The following FMN1 variants were observed in gnomAD, a reference collection of about 807,000 sequenced individuals.
FMN1 encodes formin-1.
In FMN1, 110 loss-of-function variants were observed where a neutral mutation model predicts 132.4. The ratio of observed to expected loss-of-function variants is 0.83; its 90% CI spans 0.71 to 0.97. The LOEUF (loss-of-function observed/expected upper bound fraction) is 0.97, where lower values mean the gene tolerates loss of function less well. Among genes scored for constraint, FMN1 ranks in the 50% least tolerant of loss-of-function variants. FMN1 has a pLI of 0.00. For synonymous variants in FMN1, 722 were observed against 651.7 expected (o/e 1.11, Z -1.64); for missense variants, 1,792 against 1,705.3 (o/e 1.05, Z -0.90).
chr15:33,067,465 G>C (rs2037794726), intron 5 of FMN1: 3 of 1,613,810 alleles, frequency 1.9e-6, no homozygotes, highest in South Asian at 2.2e-5. Flanking sequence ...TGTGCACCAG[G>C]GTCCCACGAA....
Position 33,083,826 on chromosome 15 carries a change from C to T in FMN1, c.2043+4973G>A, listed in dbSNP as rs1471659306. ...ACAGGTCACAAAGACCCTGCTGATA[C>T]AGGATGTCATAAAGAAGCCAGCCAA... On this transcript the variant is annotated intron_variant, in intron 5 of 20. Coordinates refer to ENST00000616417, the MANE Select transcript of FMN1 (RefSeq NM_001277313.2). Among the ~76,000 whole-genome samples the T allele has an allele frequency of 2.6e-5, 4 of 152,108 alleles. No individual in the cohort carries two copies. The South Asian group carries it at 8.3e-4, about 32-fold the overall frequency.
At chr15:33,095,857 G>A (rs2039065121) in intron 4 of FMN1, among the ~76,000 whole-genome samples, 2 of 152,062 alleles carry the variant, frequency 1.3e-5, no homozygotes, top group Non-Finnish European at 2.9e-5. Flanking sequence ...AATAGCTAAG[G>A]AAGTAAAGTA....
intron 3 of FMN1, among the ~76,000 whole-genome samples, chr15:33,166,804 C>G (rs1965126816): frequency 6.6e-6 from 1 of 152,116 alleles, no homozygotes; most frequent in South Asian, 2.1e-4. Context: ...ATACCAGTGA[C>G]CATATATATA....
chr15:33,097,580 G>C (rs1052322555), intron 4 of FMN1, among the ~76,000 whole-genome samples: 5 of 152,154 alleles, frequency 3.3e-5, no homozygotes, highest in African/African-American at 1.2e-4. Flanking sequence ...CAGCCCAAAA[G>C]ACAGTGGAAA....
At chr15:33,112,278 G>T (rs936518500) in intron 4 of FMN1, among the ~76,000 whole-genome samples, 1 of 118,362 alleles carries the variant, frequency 8.4e-6, no homozygotes, top group African/African-American at 3.3e-5. Context: ...ATAATGTTAG[G>T]TGGCAGTGCA....
chr15:32,960,898 A>G (rs1466880517), intron 9 of FMN1, among the ~76,000 whole-genome samples: 2 of 149,958 alleles, frequency 1.3e-5, no homozygotes, highest in African/African-American at 4.9e-5. Context: ...GGGAGGCTGA[A>G]GCAGGAGAAT....
At chr15:33,013,215 C>G (rs1341474611) in intron 6 of FMN1, 2 of 305,274 alleles carry the variant, frequency 6.6e-6, no homozygotes, top group Non-Finnish European at 1.2e-5. Flanking sequence ...TTATACAATA[C>G]TCCCGTGTAT....
At chr15:32,893,493 G>C (rs1029209830) in intron 15 of FMN1, among the ~76,000 whole-genome samples, 1 of 152,240 alleles carries the variant, frequency 6.6e-6, no homozygotes, top group East Asian at 1.9e-4. Context: ...CTCTACATGG[G>C]TTTCTTTAAA....
chr15:32,933,483 T>C (rs2061175368), intron 9 of FMN1, among the ~76,000 whole-genome samples: 1 of 152,208 alleles, frequency 6.6e-6, no homozygotes. Flanking sequence ...TTCCATTATG[T>C]CCATTTGGTA....
At chr15:32,791,271 A>AAT (rs56202158) in intron 19 of FMN1, among the ~76,000 whole-genome samples, 7 of 151,250 alleles carry the variant, frequency 4.6e-5, no homozygotes, top group Non-Finnish European at 1.0e-4. Flanking sequence ...AAAAAAAAAA[A>AAT]GACCTAGGTT....
chr15:32,830,938 G>C (rs2058485457), intron 17 of FMN1, among the ~76,000 whole-genome samples: 1 of 152,050 alleles, frequency 6.6e-6, no homozygotes, highest in Non-Finnish European at 1.5e-5. Context: ...AAAGTCTAGT[G>C]GTTTGTATCC....
intron 9 of FMN1, among the ~76,000 whole-genome samples, chr15:32,927,085 T>C (rs1019194750): frequency 2.0e-5 from 3 of 152,200 alleles, no homozygotes; most frequent in Non-Finnish European, 4.4e-5. Flanking sequence ...GCATTAGTCA[T>C]TGCACCTGGC....
intron 7 of FMN1, among the ~76,000 whole-genome samples, chr15:33,007,556 T>A (rs903760808): frequency 6.6e-6 from 1 of 152,092 alleles, no homozygotes; most frequent in East Asian, 1.9e-4. Flanking sequence ...GGCTCAGAAC[T>A]CCTCCTCCTC....
rs73374818 is a variant in FMN1, at chr15:33,010,963, T to C, written c.2162-2888A>G. Reference sequence around the variant, plus strand: ...AGCCATGTTTCTGATTTATAAGACTTCATATTGTAAAGGTGTGAGTCTTCC... The same window carrying C: ...AGCCATGTTTCTGATTTATAAGACTCCATATTGTAAAGGTGTGAGTCTTCC... On this transcript the variant is annotated intron_variant, in intron 6 of 20. Coordinates refer to ENST00000616417, the MANE Select transcript of FMN1 (RefSeq NM_001277313.2). Among the ~76,000 whole-genome samples, 813 of 151,282 alleles carry C rather than the reference T, an allele frequency of 5.4e-3. 5 individuals are homozygous for C. Among genetic ancestry groups the C allele is most frequent in the African/African-American group, 0.019 (787 of 41,412 alleles).
chr15:33,171,089 A>C (rs1378724402), intron 3 of FMN1, among the ~76,000 whole-genome samples: 3 of 152,216 alleles, frequency 2.0e-5, no homozygotes, highest in Non-Finnish European at 4.4e-5. Flanking sequence ...CATGGATAGA[A>C]CTGGAGGTCA....
Position 32,961,409 on chromosome 15 carries a change from T to C in FMN1, c.3138+2698A>G, listed in dbSNP as rs35630032. On this transcript the variant is annotated intron_variant, in intron 9 of 20. Coordinates refer to ENST00000616417, the MANE Select transcript of FMN1 (RefSeq NM_001277313.2). The stretch of plus-strand genomic sequence containing the variant: ...TCAGCCTCCCAAAGTGCTAGGATTA[T>C]AGGCATGAGCCACCGTACCCGGCCT... Among the ~76,000 whole-genome samples the C allele has an allele frequency of 5.1e-4, 77 of 152,206 alleles. 1 individual carries two copies. Among genetic ancestry groups the C allele is most frequent in the Admixed American group, 1.7e-3 (26 of 15,286 alleles).
chr15:33,029,464 T>C lies in FMN1; in HGVS notation c.2162-21389A>G, dbSNP rs117442935. The stretch of plus-strand genomic sequence containing the variant: ...CAGCTGTTGAGAGTCGCGTGTAGAC[T>C]AGGAACACACGCTAGGGATGGAGGA... On this transcript the variant is annotated intron_variant, in intron 6 of 20. Coordinates refer to ENST00000616417, the MANE Select transcript of FMN1 (RefSeq NM_001277313.2). 2.1e-4 allele frequency among the ~76,000 whole-genome samples: 32 copies of C among 151,992 alleles called. No homozygotes were observed. The East Asian group carries it at 4.8e-3, about 23-fold the overall frequency.
In FMN1 at chr15:32,805,876, A is replaced by G. The variant is rs181653577; in HGVS notation, c.3929-1544T>C. Among the ~76,000 whole-genome samples, 18 of 152,326 alleles carry G rather than the reference A, an allele frequency of 1.2e-4. No individual in the cohort carries two copies. The East Asian group carries it at 2.9e-3, about 24-fold the overall frequency. On this transcript the variant is annotated intron_variant, in intron 17 of 20. Transcript: ENST00000616417. Reference sequence around the variant, plus strand: ...GGACTCTTGTCAGAATAATGTTTTCATAAGGTTACTAAGAAAATCAGTGAT... The same window carrying G: ...GGACTCTTGTCAGAATAATGTTTTCGTAAGGTTACTAAGAAAATCAGTGAT...
chr15:32,871,438 C>T (rs1313480342), intron 16 of FMN1, among the ~76,000 whole-genome samples: 1 of 152,126 alleles, frequency 6.6e-6, no homozygotes, highest in Non-Finnish European at 1.5e-5. Context: ...TCACAAACTC[C>T]ACAAGCATGT....
Sources: gnomAD v4.1 joint callset for allele counts (sites outside exome capture counted in the v4.1 genomes callset) on GRCh38, gnomAD v4.1.1 for gene constraint, MANE v1.5 for transcripts, NCBI Gene and HGNC (gene_info 2026-07-23, HGNC 2026-07-21) for gene names.